The following NKTR variants were observed in gnomAD, a reference collection of about 807,000 sequenced individuals.
The protein encoded by NKTR is NK-tumor recognition protein.
Under a neutral mutation model 156.3 loss-of-function variants are expected in NKTR, and 67 were observed. That is an observed-to-expected ratio of 0.43 (90% CI 0.35 to 0.53). The LOEUF is 0.53. Among genes scored for constraint, NKTR ranks in the 20% least tolerant of loss-of-function variants. NKTR has a pLI of 0.01. For synonymous variants in NKTR, 640 were observed against 596.6 expected (o/e 1.07, Z -1.06); for missense variants, 1,604 against 1,730.9 (o/e 0.93, Z 1.30).
Position 42,638,169 on chromosome 3 carries a change from C to T in NKTR, c.2465C>T (p.Ala822Val), listed in dbSNP as rs749646245. 12 of 1,611,760 alleles carry T rather than the reference C, an allele frequency of 7.4e-6. No individual in the cohort carries two copies. The highest frequency in any genetic ancestry group is 5.0e-5 in the Admixed American group (3 of 59,554). ...TCAAGTGTTCAGGCCACACAGTCAG[C>T]CCAGGAAAAAGAGAAGCAGGGCCAA... ...EQSSVQATQS[A>V]QEKEKQGQME... Residue 822 changes from alanine to valine, a missense_variant, in exon 13 of 17, where the codon GCC (alanine) becomes GTC (valine). Around this residue, in one of 6 missense-constraint regions of NKTR, gnomAD observed 1,255 missense variants for 1,243.7 expected, o/e 1.01. Coordinates refer to ENST00000232978, the MANE Select transcript of NKTR (RefSeq NM_005385.4).
intron 2 of NKTR, among the ~76,000 whole-genome samples, chr3:42,609,776 T>C (rs1706587076): frequency 6.6e-6 from 1 of 152,232 alleles, no homozygotes; most frequent in Non-Finnish European, 1.5e-5. Context: ...TATGGTTATG[T>C]AGGTAGAATG....
At chr3:42,640,092 T>C (rs191687104) in intron 13 of NKTR, among the ~76,000 whole-genome samples, 2 of 152,328 alleles carry the variant, frequency 1.3e-5, no homozygotes, top group Admixed American at 1.3e-4. Flanking sequence ...ATTGACAGAA[T>C]ATATAGAATT....
At position 42,639,611 on chromosome 3, in the gene NKTR, C is replaced by G; in HGVS notation, c.3907C>G (p.Pro1303Ala). ...GGAGAGTTCAAGTGATGAGCAGACG[C>G]CTAGTCGGGATGATGATAGCCAGTC... ...NQESSSDEQT[P>A]SRDDDSQSRS... The change falls in exon 13 of 17, where the codon CCT (proline) becomes GCT (alanine). Residue 1303 changes from proline to alanine, a missense_variant. This residue lies in a region of NKTR where 193 missense variants were observed against 220.2 expected (regional missense o/e 0.88). Transcript: ENST00000232978. 6.2e-7 allele frequency: 1 copy of G among 1,614,178 alleles called. No individual in the cohort carries two copies.
rs752594603 is a variant in NKTR, at chr3:42,637,161, G to C, written c.1457G>C (p.Arg486Pro). 2.9e-5 allele frequency: 47 copies of C among 1,611,690 alleles called. No individual in the cohort carries two copies. The East Asian group carries it at 1.0e-3, about 35-fold the overall frequency. Residue 486 changes from arginine to proline, a missense_variant, in exon 13 of 17, where the codon CGT becomes CCT. Coordinates refer to ENST00000232978, the MANE Select transcript of NKTR (RefSeq NM_005385.4). ...KSSCDRERSS[R>P]SSSLSSHHSS... is the part of the protein sequence containing the mutation. ...TCTTGTGATAGAGAAAGGAGTTCTC[G>C]TTCTTCCTCATTGTCATCTCATCAC...
chr3:42,628,672 G>A lies in NKTR; in HGVS notation c.375-1874G>A, dbSNP rs571108089. On this transcript the variant is annotated intron_variant, in intron 6 of 16. Transcript: ENST00000232978. The stretch of plus-strand genomic sequence containing the variant: ...TCGTTTTTACTTCTAAATATTTGGG[G>A]CTGATCCCTTACACTGTAGAAAAAT... 116 of 985,374 alleles carry A rather than the reference G, an allele frequency of 1.2e-4. No individual in the cohort carries two copies. In the African/African-American group the frequency reaches 1.8e-3, roughly 15 times the overall value. 61.0% of individuals were successfully genotyped at this position (985,374 alleles called of 1,614,324 possible).
At chr3:42,614,700 GTTTT>G in intron 2 of NKTR, among the ~76,000 whole-genome samples, 1 of 151,968 alleles carries the variant, frequency 6.6e-6, no homozygotes, top group African/African-American at 2.4e-5. Flanking sequence ...ATGCTGTTTT[GTTTT>G]TTTGACCTTG....
intron 2 of NKTR, among the ~76,000 whole-genome samples, chr3:42,610,572 C>T (rs367610765): frequency 6.7e-6 from 1 of 150,182 alleles, no homozygotes; most frequent in Non-Finnish European, 1.5e-5. Flanking sequence ...TTTCACCGTG[C>T]ACTTTTGGTT....
intron 12 of NKTR, chr3:42,635,568 T>G: frequency 2.4e-6 from 1 of 422,790 alleles, no homozygotes; most frequent in Non-Finnish European, 4.3e-6. Flanking sequence ...CCTGTTTTCC[T>G]TAACAAAAAC....
intron 2 of NKTR, 193 bp downstream of exon 2, chr3:42,601,257 C>T (rs909216483): frequency 9.1e-6 from 4 of 439,080 alleles, no homozygotes; most frequent in Non-Finnish European, 1.2e-5. Flanking sequence ...GCAGTCCGGG[C>T]CTCTTCCTGC....
intron 6 of NKTR, among the ~76,000 whole-genome samples, chr3:42,626,995 GCTTTT>G: frequency 6.6e-6 from 1 of 152,170 alleles, no homozygotes; most frequent in East Asian, 1.9e-4. Context: ...TAGCCACGAT[GCTTTT>G]CTTAAGCATA....
chr3:42,638,115 C>T lies in NKTR; in HGVS notation c.2411C>T (p.Ser804Phe), dbSNP rs1709580327. 1 of 1,613,858 alleles carries T rather than the reference C, an allele frequency of 6.2e-7. No homozygotes were observed. The highest frequency in any genetic ancestry group is 1.3e-5 in the African/African-American group (1 of 74,916). The change falls in exon 13 of 17, where the codon TCT becomes TTT. Residue 804 changes from serine to phenylalanine, a missense_variant. Ser to Phe is a radical substitution (Grantham distance 155, BLOSUM62 -2). This residue lies in a region of NKTR where 1,255 missense variants were observed against 1,243.7 expected (regional missense o/e 1.01). Coordinates refer to ENST00000232978, the MANE Select transcript of NKTR (RefSeq NM_005385.4). ...AGAAAGTATAGCGAGAGCAGATCAT[C>T]TTTAGATTATTCTTCAGACAGTGAG... The part of the protein sequence containing the change: ...CVRKYSESRS[S>F]LDYSSDSEQS...
intron 8 of NKTR, among the ~76,000 whole-genome samples, chr3:42,631,574 C>T (rs919321412): frequency 6.6e-6 from 1 of 152,166 alleles, no homozygotes; most frequent in African/African-American, 2.4e-5. Context: ...ACCTTGCCTC[C>T]GTTCTATAAT....
chr3:42,631,899 C>CT (rs943529623), intron 8 of NKTR, among the ~76,000 whole-genome samples: 6 of 152,096 alleles, frequency 3.9e-5, no homozygotes, highest in African/African-American at 1.4e-4. Flanking sequence ...TGCCTATTCT[C>CT]TTTGTCTGGA....
intron 11 of NKTR, chr3:42,635,010 C>CCTTGTTTG (rs1709248325): frequency 2.2e-6 from 1 of 444,604 alleles, no homozygotes; most frequent in African/African-American, 2.1e-5. Context: ...TCTTTTAATG[C>CCTTGTTTG]CTTGTTTGAA....
At position 42,620,511 on chromosome 3, in the gene NKTR, A is replaced by G. The variant is rs188864518; in HGVS notation, c.286+803A>G. The G allele has an allele frequency of 5.1e-5, 50 of 983,802 alleles. No homozygotes were observed. In the East Asian group the frequency reaches 4.1e-3, roughly 80 times the overall value. 60.9% of individuals were successfully genotyped at this position (983,802 alleles called of 1,614,324 possible). A position where few individuals can be genotyped will look rare whatever the true frequency, so the allele number is the denominator to read the frequency against. ...AGCTTCAGTGTTATAATAGTCTTTT[A>G]TATTTCCTTTGGGGGAAAATGGATT... is the stretch of plus-strand genomic sequence containing the variant. On this transcript the variant is annotated intron_variant, in intron 5 of 16. Transcript: ENST00000232978.
intron 13 of NKTR, 62 bp downstream of exon 13, chr3:42,639,812 G>A: frequency 1.8e-6 from 2 of 1,102,284 alleles, no homozygotes; most frequent in Non-Finnish European, 2.6e-6. Context: ...TAGCTTGGAA[G>A]AATATCAGAA....
intron 16 of NKTR, among the ~76,000 whole-genome samples, chr3:42,644,868 A>C (rs1415990780): frequency 6.6e-6 from 1 of 152,110 alleles, no homozygotes; most frequent in Admixed American, 6.5e-5. Flanking sequence ...ATGTGCCTCT[A>C]AGACAGCCCT....
chr3:42,609,886 T>C (rs1360064275), intron 2 of NKTR, among the ~76,000 whole-genome samples: 1 of 152,252 alleles, frequency 6.6e-6, no homozygotes, highest in Non-Finnish European at 1.5e-5. Flanking sequence ...TCTGTTGGTA[T>C]TTCAGTTGGT....
Position 42,619,700 on chromosome 3 carries a change from A to G in NKTR, c.278A>G (p.Tyr93Cys), listed in dbSNP as rs1202678078. ...GGTGGAGAATCAATTTATGGTGGAT[A>G]TTTTAAAGGTAAGGCTTAATATTTT... ...GKGGESIYGGYFKDENFILKH... is the reference protein window; with the variant it reads ...GKGGESIYGGCFKDENFILKH... Residue 93 changes from tyrosine to cysteine, a missense_variant, in exon 5 of 17, where the codon TAT becomes TGT. Tyr to Cys is a radical substitution (Grantham distance 194, BLOSUM62 -2). Transcript: ENST00000232978. 6.2e-7 allele frequency: 1 copy of G among 1,610,528 alleles called. No individual in the cohort carries two copies. Among genetic ancestry groups the G allele is most frequent in the Non-Finnish European group, 8.5e-7 (1 of 1,177,704 alleles).
Sources: gnomAD v4.1 joint callset for allele counts (sites outside exome capture counted in the v4.1 genomes callset) on GRCh38, gnomAD v4.1.1 for gene constraint, gnomAD v4.1.1 regional missense constraint, MANE v1.5 for transcripts, NCBI Gene and HGNC (gene_info 2026-07-23, HGNC 2026-07-21) for gene names.